Variants in DDX10 observed in about 807,000 individuals in gnomAD.
DDX10 encodes DEAD-box helicase 10.
DDX10 carries 74 observed loss-of-function variants against 104.3 expected under a neutral mutation model. The ratio of observed to expected loss-of-function variants is 0.71; its 90% CI spans 0.59 to 0.86. DDX10 has a LOEUF of 0.86. Among genes scored for constraint, DDX10 ranks in the 40% least tolerant of loss-of-function variants. The pLI is 0.00. For synonymous variants in DDX10, 351 were observed against 353.4 expected (o/e 0.99, Z 0.08); for missense variants, 952 against 1,040.0 (o/e 0.92, Z 1.16).
intron 13 of DDX10, among the ~76,000 whole-genome samples, chr11:108,777,865 T>G (rs2094372187): frequency 6.6e-6 from 1 of 152,176 alleles, no homozygotes. Context: ...ACAAAATCAG[T>G]GTGCAAAAAT....
At chr11:108,772,098 G>A (rs1340249754) in intron 13 of DDX10, among the ~76,000 whole-genome samples, 3 of 152,200 alleles carry the variant, frequency 2.0e-5, no homozygotes, top group Admixed American at 6.5e-5. Flanking sequence ...TTTTCCTCAA[G>A]GTAACTATTA....
At chr11:108,711,534 T>C (rs1291691389) in intron 10 of DDX10, among the ~76,000 whole-genome samples, 2 of 152,198 alleles carry the variant, frequency 1.3e-5, no homozygotes, top group African/African-American at 2.4e-5. Context: ...GGTTTCGCCA[T>C]GTTGGCCAGG....
intron 13 of DDX10, among the ~76,000 whole-genome samples, chr11:108,809,349 G>A (rs1419423140): frequency 6.6e-6 from 1 of 152,176 alleles, no homozygotes; most frequent in Non-Finnish European, 1.5e-5. Context: ...TGGTGTTAGG[G>A]ACTCCGCCCC....
intron 13 of DDX10, among the ~76,000 whole-genome samples, chr11:108,786,065 G>T (rs1245494906): frequency 6.6e-6 from 1 of 152,062 alleles, no homozygotes; most frequent in Admixed American, 6.6e-5. Flanking sequence ...TAATTGCAAA[G>T]AATTTTTATT....
chr11:108,922,957 G>A (rs1487412088), intron 17 of DDX10, among the ~76,000 whole-genome samples: 4 of 152,198 alleles, frequency 2.6e-5, no homozygotes, highest in Non-Finnish European at 2.9e-5. Context: ...AGGCTTTCAT[G>A]TGCTATTTTT....
At chr11:108,833,654 C>T (rs969596626) in intron 13 of DDX10, among the ~76,000 whole-genome samples, 3 of 152,200 alleles carry the variant, frequency 2.0e-5, no homozygotes, top group Non-Finnish European at 2.9e-5. Flanking sequence ...GGCAGAGATG[C>T]AAATACCTCT....
intron 17 of DDX10, chr11:108,921,215 A>G (rs1298732953): frequency 6.6e-6 from 1 of 152,218 alleles, no homozygotes; most frequent in Admixed American, 6.5e-5. Context: ...ATTTGCCTCA[A>G]TGGCAATGAA....
intron 16 of DDX10, among the ~76,000 whole-genome samples, chr11:108,911,430 G>A (rs1863675804): frequency 6.6e-6 from 1 of 152,046 alleles, no homozygotes; most frequent in African/African-American, 2.4e-5. Context: ...GTACCTTCTT[G>A]CTGTGTTCTT....
At chr11:108,717,402 C>A (rs985502510) in intron 11 of DDX10, among the ~76,000 whole-genome samples, 1 of 152,162 alleles carries the variant, frequency 6.6e-6, no homozygotes, top group Non-Finnish European at 1.5e-5. Flanking sequence ...CTCCGCCTCC[C>A]GGGTTCAGGT....
intron 13 of DDX10, among the ~76,000 whole-genome samples, chr11:108,819,676 A>G (rs191562542): frequency 2.0e-4 from 31 of 151,908 alleles, no homozygotes; most frequent in Admixed American, 6.6e-4. Context: ...TCAGCTCACT[A>G]TAACCTCCGC....
chr11:108,854,184 A>G (rs1464925008), intron 16 of DDX10, among the ~76,000 whole-genome samples: 2 of 152,194 alleles, frequency 1.3e-5, no homozygotes. Context: ...TTCCTTTCAA[A>G]TGAAAGTGAC....
chr11:108,852,259 G>T (rs1862804284), intron 16 of DDX10, 50 bp downstream of exon 16: 3 of 1,418,726 alleles, frequency 2.1e-6, no homozygotes, highest in Admixed American at 2.0e-5. Context: ...AGGTAGAATG[G>T]ACAAAAGCAT....
chr11:108,919,410 A>ATATACATGC (rs1458979185), intron 17 of DDX10: 1 of 152,210 alleles, frequency 6.6e-6, no homozygotes, highest in Non-Finnish European at 1.5e-5. Context: ...CTAAGAGTAA[A>ATATACATGC]TATACATGCT....
intron 10 of DDX10, among the ~76,000 whole-genome samples, chr11:108,711,512 T>G (rs1271932761): frequency 6.6e-6 from 1 of 152,176 alleles, no homozygotes; most frequent in Non-Finnish European, 1.5e-5. Context: ...TTTGTATTTT[T>G]AGTAGACGTG....
chr11:108,847,001 C>A (rs1409590019), intron 15 of DDX10, among the ~76,000 whole-genome samples: 1 of 152,202 alleles, frequency 6.6e-6, no homozygotes, highest in Admixed American at 6.5e-5. Flanking sequence ...GTCGTTGTAG[C>A]CTTTAAGCAC....
chr11:108,812,705 G>T (rs1339013361), intron 13 of DDX10, among the ~76,000 whole-genome samples: 1 of 152,052 alleles, frequency 6.6e-6, no homozygotes, highest in East Asian at 1.9e-4. Flanking sequence ...CCATCAGCTG[G>T]CTGCGGTGGC....
intron 6 of DDX10, among the ~76,000 whole-genome samples, chr11:108,688,015 A>G (rs983611978): frequency 3.3e-5 from 5 of 152,196 alleles, no homozygotes; most frequent in African/African-American, 9.6e-5. Context: ...AGTGTGTCCT[A>G]GACATCACTC....
At chr11:108,676,463 TG>T (rs2094225293) in intron 3 of DDX10, among the ~76,000 whole-genome samples, 1 of 152,208 alleles carries the variant, frequency 6.6e-6, no homozygotes, top group Non-Finnish European at 1.5e-5. Context: ...TATTTTTTTT[TG>T]AGATGAAGTC....
At chr11:108,831,169 T>A (rs1591829594) in intron 13 of DDX10, among the ~76,000 whole-genome samples, 1 of 151,734 alleles carries the variant, frequency 6.6e-6, no homozygotes, top group Non-Finnish European at 1.5e-5. Flanking sequence ...ACTTTGGGAG[T>A]CTGAGGTGGG....
Sources: allele counts gnomAD v4.1 joint callset (sites outside exome capture counted in the v4.1 genomes callset), GRCh38; gene constraint gnomAD v4.1.1; transcripts MANE v1.5; gene names NCBI Gene and HGNC (gene_info 2026-07-23, HGNC 2026-07-21).